MBOAT2: variants seen among roughly 807,000 people sequenced by gnomAD.
MBOAT2 encodes the protein membrane-bound glycerophospholipid O-acyltransferase 2.
In MBOAT2, 28 loss-of-function variants were observed where a neutral mutation model predicts 63.4. That is an observed-to-expected ratio of 0.44 (90% CI 0.33 to 0.61). The LOEUF (loss-of-function observed/expected upper bound fraction) is 0.61, where lower values mean the gene tolerates loss of function less well. MBOAT2 is among the 20% of genes least tolerant of loss of function. The pLI, the probability that MBOAT2 is intolerant of heterozygous loss-of-function variation, is 0.03. For missense variants in MBOAT2, 470 were observed against 605.8 expected, an observed-to-expected ratio of 0.78 and a Z score of 2.35; for synonymous variants, 211 against 215.6, an observed-to-expected ratio of 0.98 and a Z score of 0.19.
chr2:8,865,415 C>T (rs1050656251), intron 9 of MBOAT2, among the ~76,000 whole-genome samples: 3 of 152,186 alleles, frequency 2.0e-5, no homozygotes, highest in African/African-American at 7.2e-5. Context: ...TCCTGCCCTC[C>T]TTCCTGTCTT....
intron 3 of MBOAT2, among the ~76,000 whole-genome samples, chr2:8,921,340 C>G (rs996939101): frequency 1.3e-5 from 2 of 152,162 alleles, no homozygotes; most frequent in Non-Finnish European, 2.9e-5. Flanking sequence ...ATTTGGCCAG[C>G]TTGCTCCAAT....
intron 1 of MBOAT2, among the ~76,000 whole-genome samples, chr2:8,976,247 T>A (rs754231060): frequency 2.0e-5 from 3 of 152,028 alleles, no homozygotes; most frequent in Admixed American, 6.6e-5. Flanking sequence ...CCACAGAGAT[T>A]AAAGGTAGGC....
chr2:8,904,747 G>T (rs746165544), intron 4 of MBOAT2, among the ~76,000 whole-genome samples: 10 of 151,884 alleles, frequency 6.6e-5, no homozygotes, highest in Admixed American at 3.3e-4. Context: ...ACATTTCATG[G>T]TTTTTCTTGC....
intron 3 of MBOAT2, among the ~76,000 whole-genome samples, chr2:8,919,388 T>C (rs1236359959): frequency 2.0e-5 from 3 of 152,226 alleles, no homozygotes; most frequent in Non-Finnish European, 2.9e-5. Context: ...TGCTGGGTAT[T>C]GTCAGTCTTT....
intron 2 of MBOAT2, among the ~76,000 whole-genome samples, chr2:8,951,510 CTCT>C (rs1668833016): frequency 6.6e-6 from 1 of 152,124 alleles, no homozygotes; most frequent in Non-Finnish European, 1.5e-5. Flanking sequence ...CTGCCACTAG[CTCT>C]TCTTAGCACA....
rs376404172 is a variant in MBOAT2 at position 8,908,648 on chromosome 2, T to C, written c.368A>G (p.Tyr123Cys). The C allele has an allele frequency of 1.9e-6, 3 of 1,608,166 alleles. No individual in the cohort carries two copies. The highest frequency in any genetic ancestry group is 2.6e-6 in the Non-Finnish European group (3 of 1,175,650). The change falls in exon 4 of 13, where the codon TAT becomes TGT. Residue 123 changes from tyrosine (Y) to cysteine (C), a missense_variant. Transcript: ENST00000305997. Reference sequence around the variant, plus strand: ...TGAAAAATCAGCAGAATATTGTCCATAGTCAAAGATATAGACTCGAGTAAC... The same window carrying C: ...TGAAAAATCAGCAGAATATTGTCCACAGTCAAAGATATAGACTCGAGTAAC... ...CQVTRVYIFDYGQYSADFSGP... is the reference protein window; with the variant it reads ...CQVTRVYIFDCGQYSADFSGP...
chr2:8,963,853 T>C (rs1669800128), intron 1 of MBOAT2, among the ~76,000 whole-genome samples: 1 of 152,212 alleles, frequency 6.6e-6, no homozygotes, highest in South Asian at 2.1e-4. Context: ...ATATATACCA[T>C]ACTTCACTAA....
intron 4 of MBOAT2, among the ~76,000 whole-genome samples, chr2:8,891,347 T>C (rs901548522): frequency 1.3e-5 from 2 of 151,954 alleles, no homozygotes; most frequent in African/African-American, 2.4e-5. Context: ...GAAATGCAAA[T>C]TGGAGGGCAA....
At chr2:8,897,750 G>A (rs1369997378) in intron 4 of MBOAT2, among the ~76,000 whole-genome samples, 3 of 152,152 alleles carry the variant, frequency 2.0e-5, no homozygotes, top group Non-Finnish European at 4.4e-5. Context: ...GTCATCTTGG[G>A]CGGCAAAACT....
At chr2:8,873,420 A>C (rs1662481447) in intron 7 of MBOAT2, 120 bp from the exon 8 acceptor site, 1 of 1,023,322 alleles carries the variant, frequency 9.8e-7, no homozygotes, top group African/African-American at 1.6e-5. Context: ...CTCCTGGTCA[A>C]AATTCAAGAG....
chr2:8,906,523 G>A (rs191956762), intron 4 of MBOAT2, among the ~76,000 whole-genome samples: 119 of 152,350 alleles, frequency 7.8e-4, no homozygotes, highest in African/African-American at 2.8e-3. Context: ...GTGTGGAGCA[G>A]AGACTCCCTT....
At chr2:8,966,507 T>A (rs1168493568) in intron 1 of MBOAT2, among the ~76,000 whole-genome samples, 1 of 152,210 alleles carries the variant, frequency 6.6e-6, no homozygotes, top group Non-Finnish European at 1.5e-5. Context: ...GACCTTGAAT[T>A]ATTTTTTTTG....
chr2:8,895,713 C>T (rs7594139), intron 4 of MBOAT2, among the ~76,000 whole-genome samples: 1,840 of 150,382 alleles, frequency 0.012, 33 homozygotes, highest in African/African-American at 0.04. Flanking sequence ...TGGATAGGAG[C>T]GAAGAAGGGG....
chr2:8,930,685 A>T (rs1313455693), intron 3 of MBOAT2, among the ~76,000 whole-genome samples: 2 of 120,026 alleles, frequency 1.7e-5, no homozygotes, highest in Non-Finnish European at 3.2e-5. Flanking sequence ...GGACACAGGA[A>T]GGGGAACATC....
At chr2:8,880,617 C>T (rs1219246724) in intron 6 of MBOAT2, among the ~76,000 whole-genome samples, 1 of 152,110 alleles carries the variant, frequency 6.6e-6, no homozygotes, top group Non-Finnish European at 1.5e-5. Context: ...GATGTGACCA[C>T]CTGGAGAAAA....
intron 3 of MBOAT2, among the ~76,000 whole-genome samples, chr2:8,912,361 GAA>G (rs879829948): frequency 0.014 from 1,425 of 103,814 alleles, 13 homozygotes; most frequent in African/African-American, 0.026. Context: ...GAGAAAGAAA[GAA>G]AGAAAGAAAG....
intron 2 of MBOAT2, among the ~76,000 whole-genome samples, chr2:8,954,985 G>A (rs550482083): frequency 1.3e-5 from 2 of 152,320 alleles, no homozygotes; most frequent in East Asian, 3.9e-4. Flanking sequence ...AAGTGTTGCT[G>A]CCCAGGAGAA....
At chr2:8,991,579 G>A (rs1671920293) in intron 1 of MBOAT2, among the ~76,000 whole-genome samples, 1 of 152,130 alleles carries the variant, frequency 6.6e-6, no homozygotes, top group Non-Finnish European at 1.5e-5. Context: ...AGTCCTCAGT[G>A]CCCTGCTCTG....
chr2:8,978,953 C>T (rs1216791126), intron 1 of MBOAT2, among the ~76,000 whole-genome samples: 1 of 151,912 alleles, frequency 6.6e-6, no homozygotes, highest in African/African-American at 2.4e-5. Context: ...GTGAGATGTG[C>T]TTTCCTCAAA....
Sources: gnomAD v4.1 joint callset for allele counts (sites outside exome capture counted in the v4.1 genomes callset) on GRCh38, gnomAD v4.1.1 for gene constraint, MANE v1.5 for transcripts, NCBI Gene and HGNC (gene_info 2026-07-23, HGNC 2026-07-21) for gene names.